Variants in FMO3 observed in about 807,000 individuals in gnomAD.
FMO3 encodes flavin containing dimethylaniline monoxygenase 3, also known as flavin-containing monooxygenase 3.
FMO3 carries 40 observed loss-of-function variants against 39.4 expected under a neutral mutation model. The observed-to-expected ratio is 1.02, with a 90% CI of 0.79 to 1.32. The LOEUF is 1.32. Among genes scored for constraint, FMO3 ranks in the 40% most tolerant of loss-of-function variants. The pLI is 0.00. For missense variants in FMO3, 680 were observed against 651.8 expected (o/e 1.04, Z -0.47); for synonymous variants, 219 against 228.8 (o/e 0.96, Z 0.39).
At position 171,103,833 on chromosome 1, in the gene FMO3, A is replaced by AGG. The variant is rs1223166427; in HGVS notation, c.181_182insGG (p.Asn61ArgfsTer7). The AGG allele has an allele frequency of 2.5e-6, 4 of 1,613,844 alleles. No homozygotes were observed. The African/African-American group carries it at 5.3e-5, about 22-fold the overall frequency. On this transcript the variant is annotated frameshift_variant, in exon 3 of 9. Transcript: ENST00000367755. LOFTEE classifies it high-confidence loss of function. ...TAGCATTTACAAATCAGTCTTTTCC[A>AGG]ACTCTTCCAAAGAGATGATGTGTTT...
intron 2 of FMO3, chr1:171,101,757 A>C (rs777212148): frequency 5.8e-6 from 3 of 517,692 alleles, no homozygotes; most frequent in African/African-American, 3.9e-5. Context: ...TCTGCGGCCT[A>C]ATCACAGGCC....
At chr1:171,095,858 A>C (rs1341197292) in intron 2 of FMO3, among the ~76,000 whole-genome samples, 641 of 33,126 alleles carry the variant, frequency 0.019, 5 homozygotes, top group African/African-American at 0.061. Context: ...TTATATATAT[A>C]ATATAAATAT....
intron 5 of FMO3, among the ~76,000 whole-genome samples, chr1:171,108,801 G>T (rs1211130890): frequency 6.6e-6 from 1 of 152,108 alleles, no homozygotes; most frequent in African/African-American, 2.4e-5. Context: ...AACAAGAGCT[G>T]CCACTGGAAA....
At chr1:171,096,639 ATAC>A (rs1472309784) in intron 2 of FMO3, among the ~76,000 whole-genome samples, 17,983 of 110,562 alleles carry the variant, frequency 0.16, 2,478 homozygotes, top group African/African-American at 0.23. Flanking sequence ...TATATATTAA[ATAC>A]ATAATATATT....
At chr1:171,117,053 ACAC>A (rs1656187529) in intron 8 of FMO3, 44 bp from the exon 9 acceptor site, 1 of 1,374,118 alleles carries the variant, frequency 7.3e-7, no homozygotes. Flanking sequence ...TTCTGTTTCT[ACAC>A]AGAGTTTGGG....
intron 2 of FMO3, among the ~76,000 whole-genome samples, chr1:171,097,735 A>G (rs1263524586): frequency 1.3e-5 from 2 of 150,524 alleles, no homozygotes; most frequent in African/African-American, 2.5e-5. Flanking sequence ...CTCCCATTTT[A>G]TGGGTTGCCT....
intron 2 of FMO3, among the ~76,000 whole-genome samples, chr1:171,102,733 A>G (rs1655459963): frequency 6.6e-6 from 1 of 152,226 alleles, no homozygotes; most frequent in Admixed American, 6.5e-5. Flanking sequence ...CCACAACACA[A>G]TATCCTAAAC....
At chr1:171,093,772 T>C (rs890969891) in intron 2 of FMO3, among the ~76,000 whole-genome samples, 2 of 151,604 alleles carry the variant, frequency 1.3e-5, no homozygotes, top group Non-Finnish European at 2.9e-5. Flanking sequence ...TACTGTTTTC[T>C]ATAGTTTATA....
intron 2 of FMO3, among the ~76,000 whole-genome samples, chr1:171,093,827 CTTTTTTTTTTTTTTT>C (rs1228257104): frequency 2.7e-5 from 2 of 75,290 alleles, no homozygotes; most frequent in East Asian, 5.1e-4. Flanking sequence ...TCACTAATAT[CTTTTTTTTTTTTTTT>C]TTTTTTTTTT....
rs1317199236 is a variant in FMO3, at chr1:171,117,410, C to A, written c.1567C>A (p.Leu523Met). The change falls in exon 9 of 9, where the codon CTG becomes ATG. Residue 523 changes from leucine to methionine, a missense_variant. By Grantham distance (15) the Leu-to-Met change is conservative (BLOSUM62 2). Transcript: ENST00000367755. ...GCTGAAGCTCTTTGCAATTCCTATT[C>A]TGTTAATCGCTGTTTTCCTTGTGTT... ...HWLKLFAIPI[L>M]LIAVFLVLT 1 of 1,613,512 alleles carries A rather than the reference C, an allele frequency of 6.2e-7. No homozygotes were observed. The highest frequency in any genetic ancestry group is 2.2e-5 in the East Asian group (1 of 44,874).
At chr1:171,112,316 G>T (rs987934059) in intron 6 of FMO3, among the ~76,000 whole-genome samples, 2 of 152,180 alleles carry the variant, frequency 1.3e-5, no homozygotes, top group African/African-American at 4.8e-5. Context: ...AATTAGCATT[G>T]CAGAGATTGA....
intron 3 of FMO3, among the ~76,000 whole-genome samples, chr1:171,105,974 A>T (rs1475738287): frequency 6.6e-6 from 1 of 151,520 alleles, no homozygotes; most frequent in South Asian, 2.1e-4. Flanking sequence ...CACAAAACTG[A>T]GATGTGCTAT....
At chr1:171,107,620 G>A in intron 3 of FMO3, 55 bp from the exon 4 acceptor site, 1 of 1,502,978 alleles carries the variant, frequency 6.7e-7, no homozygotes, top group South Asian at 1.1e-5. Flanking sequence ...TACTGTATCT[G>A]CCAAAACCAT....
At chr1:171,104,665 G>A (rs1312107844) in intron 3 of FMO3, among the ~76,000 whole-genome samples, 1 of 152,122 alleles carries the variant, frequency 6.6e-6, no homozygotes, top group Non-Finnish European at 1.5e-5. Context: ...CTTGAGTCCA[G>A]GAGTTGGAAA....
In FMO3 at chr1:171,114,048, C is replaced by G. The variant is rs1440068166; in HGVS notation, c.869C>G (p.Ala290Gly). ...KEPVFNDELP[A>G]SILCGIVSVK... The stretch of plus-strand genomic sequence containing the variant: ...CCTGTATTTAACGATGAGCTCCCAG[C>G]AAGCATTCTGTGTGGCATTGTGTCC... The change falls in exon 7 of 9, where the codon GCA becomes GGA. Residue 290 changes from alanine to glycine, a missense_variant. Coordinates refer to ENST00000367755, the MANE Select transcript of FMO3 (RefSeq NM_001002294.3). 1 of 1,612,412 alleles carries G rather than the reference C, an allele frequency of 6.2e-7. No individual in the cohort carries two copies.
At chr1:171,111,061 T>C (rs981797619) in intron 6 of FMO3, 64 bp downstream of exon 6, 3 of 1,297,946 alleles carry the variant, frequency 2.3e-6, no homozygotes, top group Non-Finnish European at 3.4e-6. Context: ...ACCCTTAATG[T>C]CCTGTAAGCC....
At chr1:171,099,688 C>T (rs373878064) in intron 2 of FMO3, 1 of 150,228 alleles carries the variant, frequency 6.7e-6, no homozygotes, top group Admixed American at 6.6e-5. Context: ...TCTCTCTAGT[C>T]TATTCTTAAC....
In FMO3 at chr1:171,101,547, CT is replaced by C. The variant is rs1033156704; in HGVS notation, c.133-2231del. ...ACATCATCATTTTACATTATCTTAA[CT>C]TTTTTTAAATTTCAGAGAGATCCAA... On this transcript the variant is annotated intron_variant, in intron 2 of 8. Coordinates refer to ENST00000367755, the MANE Select transcript of FMO3 (RefSeq NM_001002294.3). Among the ~76,000 whole-genome samples, 74 of 152,276 alleles carry C rather than the reference CT, an allele frequency of 4.9e-4. 1 individual carries two copies. Among genetic ancestry groups the C allele is most frequent in the African/African-American group, 8.7e-4 (36 of 41,564 alleles).
chr1:171,095,033 T>C (rs867841957), intron 2 of FMO3, among the ~76,000 whole-genome samples: 1 of 152,180 alleles, frequency 6.6e-6, no homozygotes, highest in Non-Finnish European at 1.5e-5. Flanking sequence ...ATTTTAATGA[T>C]ATTGGCCCTT....
Sources: gnomAD v4.1 joint callset for allele counts (sites outside exome capture counted in the v4.1 genomes callset) on GRCh38, gnomAD v4.1.1 for gene constraint, MANE v1.5 for transcripts, NCBI Gene and HGNC (gene_info 2026-07-23, HGNC 2026-07-21) for gene names.